Variants in CARMIL1 observed in about 807,000 individuals in gnomAD.
CARMIL1 encodes capping protein regulator and myosin 1 linker 1.
A neutral mutation model predicts 177.1 loss-of-function variants in CARMIL1; 90 were observed. The observed-to-expected ratio is 0.51, with a 90% CI of 0.43 to 0.61. The LOEUF is 0.61. Ranked by LOEUF, CARMIL1 falls within the 20% of genes least tolerant of loss-of-function variation. The pLI is 0.00. For missense variants in CARMIL1, 1,380 were observed against 1,667.0 expected (o/e 0.83, Z 3.00); for synonymous variants, 577 against 606.2 (o/e 0.95, Z 0.71).
At chr6:25,384,696 C>T (rs1791976540) in intron 2 of CARMIL1, among the ~76,000 whole-genome samples, 2 of 152,214 alleles carry the variant, frequency 1.3e-5, no homozygotes, top group Admixed American at 1.3e-4. Flanking sequence ...GCTTCTACCT[C>T]ATTGCCTCGT....
rs182743364 is a variant in CARMIL1, at chr6:25,338,550, A to C, written c.138+53641A>C. 3.9e-3 allele frequency among the ~76,000 whole-genome samples: 388 copies of C among 98,652 alleles called. 2 individuals carry two copies. The highest frequency in any genetic ancestry group is 0.011 in the African/African-American group (336 of 29,856). 64.7% of individuals were successfully genotyped at this position (98,652 alleles called of 152,430 possible). On this transcript the variant is annotated intron_variant, in intron 2 of 36. Transcript: ENST00000329474. ...TGTTTTACTCAAAAAAGCTGGTCCT[A>C]CTTTTTTTTTTTTTTTTATTTCTTG...
intron 2 of CARMIL1, among the ~76,000 whole-genome samples, chr6:25,386,147 A>T (rs1792137021): frequency 6.6e-6 from 1 of 152,234 alleles, no homozygotes; most frequent in South Asian, 2.1e-4. Context: ...TTAATAATAC[A>T]TTTAATTATT....
intron 31 of CARMIL1, among the ~76,000 whole-genome samples, chr6:25,586,929 C>T (rs1260953142): frequency 1.3e-5 from 2 of 150,250 alleles, no homozygotes; most frequent in Admixed American, 6.6e-5. Context: ...GGCTCGGCAT[C>T]AGATAGAGAC....
chr6:25,312,916 A>AC (rs1290313406), intron 2 of CARMIL1, among the ~76,000 whole-genome samples: 1 of 96,602 alleles, frequency 1.0e-5, no homozygotes, highest in East Asian at 5.3e-4. Context: ...AAAAAAAAAA[A>AC]AAAAAAAAAA....
chr6:25,549,690 T>G (rs1215699718), intron 26 of CARMIL1, among the ~76,000 whole-genome samples: 1 of 152,178 alleles, frequency 6.6e-6, no homozygotes, highest in East Asian at 1.9e-4. Context: ...GGATTGTGCT[T>G]TGCATTTTAA....
At chr6:25,557,924 G>T (rs1810774427) in intron 29 of CARMIL1, among the ~76,000 whole-genome samples, 1 of 152,168 alleles carries the variant, frequency 6.6e-6, no homozygotes, top group Admixed American at 6.5e-5. Context: ...AAAGCCTAAT[G>T]TATAATCCAA....
At chr6:25,479,268 A>G (rs757685807) in intron 11 of CARMIL1, 3 of 517,056 alleles carry the variant, frequency 5.8e-6, no homozygotes, top group Non-Finnish European at 1.2e-5. Context: ...TTCTTTGCCT[A>G]TGTACTCCTT....
At chr6:25,552,950 G>T (rs1247279653) in intron 27 of CARMIL1, among the ~76,000 whole-genome samples, 2 of 152,060 alleles carry the variant, frequency 1.3e-5, no homozygotes, top group Non-Finnish European at 2.9e-5. Context: ...CACCTCTGGG[G>T]AATAGTAAAG....
chr6:25,436,404 A>G (rs1281764144), intron 5 of CARMIL1, among the ~76,000 whole-genome samples: 2 of 152,260 alleles, frequency 1.3e-5, no homozygotes, highest in East Asian at 1.9e-4. Context: ...GAGGCCCCAC[A>G]TAGACATGTG....
At chr6:25,318,540 T>C (rs1312777688) in intron 2 of CARMIL1, among the ~76,000 whole-genome samples, 1 of 152,228 alleles carries the variant, frequency 6.6e-6, no homozygotes, top group African/African-American at 2.4e-5. Context: ...GTGAAGTGGC[T>C]GCAGAAGGCA....
intron 5 of CARMIL1, among the ~76,000 whole-genome samples, chr6:25,438,276 CTATT>C (rs1006297010): frequency 2.6e-5 from 4 of 152,170 alleles, no homozygotes; most frequent in Admixed American, 2.6e-4. Context: ...TATTCCATGA[CTATT>C]TATTGATTTT....
chr6:25,473,772 G>C (rs1307054868), intron 11 of CARMIL1, among the ~76,000 whole-genome samples: 1 of 152,210 alleles, frequency 6.6e-6, no homozygotes, highest in East Asian at 1.9e-4. Context: ...CCGGGGGTGA[G>C]AATCTTGGGG....
chr6:25,472,712 CT>C, intron 11 of CARMIL1, 191 bp downstream of exon 11: 4 of 547,746 alleles, frequency 7.3e-6, no homozygotes, highest in East Asian at 3.0e-5. Context: ...TCTGCTTCAC[CT>C]TTTTTGAAGT....
At chr6:25,581,065 G>C in intron 30 of CARMIL1, 75 bp downstream of exon 30, 1 of 1,453,584 alleles carries the variant, frequency 6.9e-7, no homozygotes, top group East Asian at 2.5e-5. Context: ...ACCATTTTAG[G>C]GATGTTCCTT....
intron 2 of CARMIL1, chr6:25,350,850 G>C (rs1194973497): frequency 1.3e-5 from 2 of 152,186 alleles, no homozygotes; most frequent in Non-Finnish European, 2.9e-5. Context: ...TATTAGCTTA[G>C]AGTATTCCCC....
chr6:25,494,281 G>A (rs1001887811), intron 15 of CARMIL1, among the ~76,000 whole-genome samples: 5 of 151,978 alleles, frequency 3.3e-5, no homozygotes, highest in Non-Finnish European at 2.9e-5. Flanking sequence ...AATAACTATC[G>A]TTAAGTGAGT....
At position 25,515,599 on chromosome 6, in the gene CARMIL1, C is replaced by A; in HGVS notation, c.1633-76C>A. 7.2e-7 allele frequency: 1 copy of A among 1,390,744 alleles called. No individual in the cohort carries two copies. The highest frequency in any genetic ancestry group is 9.8e-7 in the Non-Finnish European group (1 of 1,025,582). The allele number at this position is 1,390,744 out of a possible 1,614,324, so 86.2% of individuals were successfully genotyped here. ...TGCAGTAGGTCCATCCCCTCTCATT[C>A]TCCACGAAATGCGTCGTGGAGAGTG... On this transcript the variant is annotated intron_variant, in intron 20 of 36. Transcript: ENST00000329474. This position sits in a 1 kb window ranked among gnomAD's most constrained non-coding sequence, Gnocchi z 5.0.
intron 2 of CARMIL1, among the ~76,000 whole-genome samples, chr6:25,418,406 C>G (rs182906930): frequency 1.9e-4 from 29 of 152,230 alleles, no homozygotes; most frequent in Admixed American, 1.8e-3. Flanking sequence ...AATGTCCCTA[C>G]AGATTATGTA....
intron 35 of CARMIL1, among the ~76,000 whole-genome samples, chr6:25,607,515 C>CA (rs1329710881): frequency 6.6e-6 from 1 of 152,150 alleles, no homozygotes; most frequent in East Asian, 1.9e-4. Flanking sequence ...CCAAGTCACG[C>CA]AGCTGGTGTG....
Sources: allele counts gnomAD v4.1 joint callset (sites outside exome capture counted in the v4.1 genomes callset), GRCh38; gene constraint gnomAD v4.1.1; non-coding constraint Gnocchi (gnomAD v3.1); transcripts MANE v1.5; gene names NCBI Gene and HGNC (gene_info 2026-07-23, HGNC 2026-07-21).